The following PLPP4 variants were observed in gnomAD, a reference collection of about 807,000 sequenced individuals.
The protein encoded by PLPP4 is diacylglycerol pyrophosphate like 2.
Under a neutral mutation model 32.2 loss-of-function variants are expected in PLPP4, and 20 were observed. That is an observed-to-expected ratio of 0.62 (90% CI 0.44 to 0.90). The LOEUF (loss-of-function observed/expected upper bound fraction) is 0.90, where lower values mean the gene tolerates loss of function less well. Among genes scored for constraint, PLPP4 ranks in the 40% least tolerant of loss-of-function variants. The probability of loss-of-function intolerance (pLI) is 0.00; values close to 1 mark genes in which losing one functional copy is unlikely to be tolerated. For synonymous variants in PLPP4, 127 were observed against 133.0 expected (o/e 0.95, Z 0.31); for missense variants, 257 against 353.1 (o/e 0.73, Z 2.18).
Position 120,457,365 on chromosome 10 carries a change from A to G in PLPP4, c.56+4A>G. On this transcript the variant is annotated splice_donor_region_variant and intron_variant, in intron 1 of 6. Transcript: ENST00000398250. ...CCCTGCTCTTCGGAGTCTTCGTGTA[A>G]GTAGTGGCGCACCGCGGGCAGGGCG... The G allele has an allele frequency of 6.5e-7, 1 of 1,530,542 alleles. No individual in the cohort carries two copies. Among genetic ancestry groups the G allele is most frequent in the Non-Finnish European group, 8.8e-7 (1 of 1,137,206 alleles). 94.8% of individuals were successfully genotyped at this position (1,530,542 alleles called of 1,614,324 possible).
intron 5 of PLPP4, among the ~76,000 whole-genome samples, chr10:120,557,241 A>T (rs559905780): frequency 6.6e-6 from 1 of 152,196 alleles, no homozygotes; most frequent in Non-Finnish European, 1.5e-5. Context: ...TAAAATAGCA[A>T]TGAAGCTTGA....
intron 6 of PLPP4, among the ~76,000 whole-genome samples, chr10:120,586,583 A>T (rs1849772957): frequency 6.6e-6 from 1 of 152,198 alleles, no homozygotes; most frequent in Non-Finnish European, 1.5e-5. Context: ...TGAGGTCATC[A>T]GGAGGACCAG....
At chr10:120,521,995 G>T (rs1382688738) in intron 5 of PLPP4, among the ~76,000 whole-genome samples, 1 of 152,132 alleles carries the variant, frequency 6.6e-6, no homozygotes, top group Non-Finnish European at 1.5e-5. Context: ...TTGCATGGGG[G>T]ATGCAAAGAT....
intron 5 of PLPP4, among the ~76,000 whole-genome samples, chr10:120,531,087 CTTT>C (rs71019773): frequency 4.7e-4 from 47 of 100,382 alleles, no homozygotes; most frequent in Admixed American, 6.5e-4. Flanking sequence ...CTGTCATTTT[CTTT>C]TTTTTTTTTT....
chr10:120,589,318 G>C lies in PLPP4; in HGVS notation c.632G>C (p.Gly211Ala). Residue 211 changes from glycine to alanine, a missense_variant, in exon 7 of 7, where the codon GGA becomes GCA. Gly to Ala is a moderately conservative substitution (Grantham distance 60). Coordinates refer to ENST00000398250, the MANE Select transcript of PLPP4 (RefSeq NM_001030059.3). ...KHHWQDSFVG[G>A]VIGLIFAYIC... is the part of the protein sequence containing the mutation. ...TCCTGCCTAGATTCCTTTGTGGGTG[G>C]AGTCATCGGCCTCATTTTTGCATAC... 6.2e-7 allele frequency: 1 copy of C among 1,614,108 alleles called. No homozygotes were observed. Among genetic ancestry groups the C allele is most frequent in the African/African-American group, 1.3e-5 (1 of 74,998 alleles).
At chr10:120,470,217 A>G (rs973283847) in intron 1 of PLPP4, among the ~76,000 whole-genome samples, 1 of 152,208 alleles carries the variant, frequency 6.6e-6, no homozygotes, top group African/African-American at 2.4e-5. Flanking sequence ...GCATCGTTTC[A>G]CAAGCGTATT....
intron 5 of PLPP4, among the ~76,000 whole-genome samples, chr10:120,544,670 C>T (rs1446170672): frequency 1.3e-5 from 2 of 152,236 alleles, no homozygotes; most frequent in Non-Finnish European, 2.9e-5. Flanking sequence ...CCTGCCTGCT[C>T]ATCTCCCCAT....
intron 5 of PLPP4, among the ~76,000 whole-genome samples, chr10:120,553,338 T>A (rs1391385259): frequency 1.3e-5 from 2 of 152,012 alleles, no homozygotes; most frequent in African/African-American, 4.8e-5. Context: ...GGTCATAGGG[T>A]CCTTATGAAT....
chr10:120,479,778 G>A (rs540126522), intron 1 of PLPP4, among the ~76,000 whole-genome samples: 4 of 152,286 alleles, frequency 2.6e-5, no homozygotes, highest in Admixed American at 6.5e-5. Flanking sequence ...TAATTTAACC[G>A]ATGGCTGGAG....
At chr10:120,479,035 G>A (rs1033539498) in intron 1 of PLPP4, among the ~76,000 whole-genome samples, 12 of 152,246 alleles carry the variant, frequency 7.9e-5, no homozygotes, top group Admixed American at 3.9e-4. Context: ...GACCATCCTG[G>A]CTAACATGGT....
intron 6 of PLPP4, among the ~76,000 whole-genome samples, chr10:120,584,716 C>T (rs1849671679): frequency 6.6e-6 from 1 of 152,204 alleles, no homozygotes; most frequent in South Asian, 2.1e-4. Flanking sequence ...CAATTGATGA[C>T]AAGCTCCTTC....
intron 6 of PLPP4, chr10:120,580,972 T>A (rs1213455691): frequency 2.3e-6 from 3 of 1,289,158 alleles, no homozygotes; most frequent in Non-Finnish European, 3.0e-6. Context: ...TCTGGGAACC[T>A]CTGAACCTTG....
At position 120,536,939 on chromosome 10, in the gene PLPP4, A is replaced by G. The variant is rs189875342; in HGVS notation, c.445+15844A>G. On this transcript the variant is annotated intron_variant, in intron 5 of 6. Transcript: ENST00000398250. ...AGAAAGCTACAAATCTCCAACAGAT[A>G]TATTAACAGCACTAATTATGAGGGA... Among the ~76,000 whole-genome samples, 26 of 152,318 alleles carry G rather than the reference A, an allele frequency of 1.7e-4. No individual in the cohort carries two copies. The East Asian group carries it at 4.4e-3, about 26-fold the overall frequency.
intron 2 of PLPP4, among the ~76,000 whole-genome samples, chr10:120,513,079 A>G (rs955413851): frequency 2.0e-5 from 3 of 152,178 alleles, no homozygotes; most frequent in African/African-American, 4.8e-5. Flanking sequence ...TGCCTTTTAT[A>G]TGGTTGGTGG....
chr10:120,481,967 A>G (rs1181969505), intron 1 of PLPP4, among the ~76,000 whole-genome samples: 2 of 152,210 alleles, frequency 1.3e-5, no homozygotes, highest in Non-Finnish European at 1.5e-5. Context: ...TTTGCCTGCT[A>G]CCATCCATGT....
chr10:120,549,210 A>G (rs774694014), intron 5 of PLPP4, among the ~76,000 whole-genome samples: 1 of 151,544 alleles, frequency 6.6e-6, no homozygotes, highest in Admixed American at 6.6e-5. Flanking sequence ...AAAGCTATTA[A>G]ATATTTCCAA....
intron 5 of PLPP4, among the ~76,000 whole-genome samples, chr10:120,573,881 G>A (rs1849057699): frequency 6.6e-6 from 1 of 152,104 alleles, no homozygotes. Flanking sequence ...TGCCCAGACC[G>A]TGGCTCAGGG....
intron 1 of PLPP4, among the ~76,000 whole-genome samples, chr10:120,493,637 C>T (rs1409561): frequency 0.36 from 54,792 of 151,924 alleles, 9,907 homozygotes; most frequent in Admixed American, 0.41. Context: ...CACATTTCCA[C>T]ACTGTCCACT....
chr10:120,585,137 T>G lies in PLPP4; in HGVS notation c.617-4166T>G, dbSNP rs114586233. Among the ~76,000 whole-genome samples the G allele has an allele frequency of 3.5e-3, 535 of 152,332 alleles. 1 individual carries two copies. Among genetic ancestry groups the G allele is most frequent in the African/African-American group, 0.012 (498 of 41,572 alleles). On this transcript the variant is annotated intron_variant, in intron 6 of 6. Coordinates refer to ENST00000398250, the MANE Select transcript of PLPP4 (RefSeq NM_001030059.3). ...AATAGAAATACCTCATGGGACTGTT[T>G]CCTGGGGTTAGAGGAAAAACAAAAC...
Sources: allele counts gnomAD v4.1 joint callset (sites outside exome capture counted in the v4.1 genomes callset), GRCh38; gene constraint gnomAD v4.1.1; transcripts MANE v1.5; gene names NCBI Gene and HGNC (gene_info 2026-07-23, HGNC 2026-07-21).